Variants in ILDR1 observed in about 807,000 individuals in gnomAD.
The protein encoded by ILDR1 is immunoglobulin-like domain-containing receptor 1.
Under a neutral mutation model 62.4 loss-of-function variants are expected in ILDR1, and 56 were observed. The observed-to-expected ratio is 0.90, with a 90% confidence interval of 0.72 to 1.12. The LOEUF (loss-of-function observed/expected upper bound fraction) is 1.12. Ranked by LOEUF, ILDR1 falls within the 50% of genes most tolerant of loss-of-function variation. The pLI is 0.00. For synonymous variants in ILDR1, 284 were observed against 277.8 expected, an observed-to-expected ratio of 1.02 and a Z score of -0.22; for missense variants, 736 against 710.6, an observed-to-expected ratio of 1.04 and a Z score of -0.41.
chr3:122,040,737 G>GAAAAAAAAAAAAAAAAAA, the ILDR1 span, among the ~76,000 whole-genome samples: 1 of 124,812 alleles, frequency 8.0e-6, no homozygotes, highest in Non-Finnish European at 1.7e-5. Flanking sequence ...AAAAAAAAAA[G>GAAAAAAAAAAAAAAAAAA]AAAAAAAAAA....
upstream of ILDR1, among the ~76,000 whole-genome samples, chr3:122,025,967 C>T (rs2071917931): frequency 6.6e-6 from 1 of 152,106 alleles, no homozygotes; most frequent in Non-Finnish European, 1.5e-5. Flanking sequence ...GACATCTGCT[C>T]TAGGTTTGAA....
At chr3:122,005,748 T>G (rs1194509999) in intron 2 of ILDR1, among the ~76,000 whole-genome samples, 1 of 151,982 alleles carries the variant, frequency 6.6e-6, no homozygotes, top group African/African-American at 2.4e-5. Context: ...TTCATCCACC[T>G]GCCCTTAAAA....
chr3:121,993,092 C>G (rs1268372410), intron 7 of ILDR1, 58 bp downstream of exon 7: 1 of 1,380,564 alleles, frequency 7.2e-7, no homozygotes, highest in African/African-American at 1.4e-5. Context: ...GTGGTCATGC[C>G]TGGCTGGAGG....
the ILDR1 span, among the ~76,000 whole-genome samples, chr3:122,030,814 T>G: frequency 6.6e-6 from 1 of 152,172 alleles, no homozygotes. Context: ...AATTAGTATT[T>G]GGGGAGGCCC....
intron 5 of ILDR1, among the ~76,000 whole-genome samples, chr3:121,995,242 G>T (rs544244098): frequency 6.6e-6 from 1 of 152,290 alleles, no homozygotes; most frequent in East Asian, 1.9e-4. Context: ...CTATCCACGC[G>T]TGTTGGACGT....
the ILDR1 span, among the ~76,000 whole-genome samples, chr3:122,027,448 C>T: frequency 6.6e-6 from 1 of 152,184 alleles, no homozygotes; most frequent in Non-Finnish European, 1.5e-5. Context: ...CCTTGGACCC[C>T]CAAAGTGCTG....
At position 121,988,151 on chromosome 3, in the gene ILDR1, G is replaced by A. The variant is rs550947393; in HGVS notation, c.*216C>T. On this transcript the variant is annotated 3_prime_UTR_variant, in exon 8 of 8. Coordinates refer to ENST00000344209, the MANE Select transcript of ILDR1 (RefSeq NM_001199799.2). ...TGATCTTGAACTCCTAGTCTCAAGT[G>A]ATTCTTAGCCTCCCAAAGTGCTGTG... 1 of 640,072 alleles carries A rather than the reference G, an allele frequency of 1.6e-6. No individual in the cohort carries two copies. Among genetic ancestry groups the A allele is most frequent in the Admixed American group, 2.1e-5 (1 of 47,974 alleles). 39.6% of individuals were successfully genotyped at this position (640,072 alleles called of 1,614,324 possible).
chr3:121,994,341 C>A, intron 5 of ILDR1, 28 bp from the exon 6 acceptor site: 1 of 1,521,964 alleles, frequency 6.6e-7, no homozygotes, highest in Non-Finnish European at 8.8e-7. Flanking sequence ...GAAATGCAGG[C>A]CCTCAGCCAG....
Position 121,988,361 on chromosome 3 carries a change from T to C in ILDR1, c.*6A>G, listed in dbSNP as rs1191276930. 3 of 1,612,734 alleles carry C rather than the reference T, an allele frequency of 1.9e-6. No homozygotes were observed. Among genetic ancestry groups the C allele is most frequent in the Non-Finnish European group, 2.5e-6 (3 of 1,178,904 alleles). ...GTAGCCACAGAAGTTGTGCTGTGCTTGGTGACTAAATGACCACACTCCTTC... is the reference window on the plus strand; with the variant it reads ...GTAGCCACAGAAGTTGTGCTGTGCTCGGTGACTAAATGACCACACTCCTTC... On this transcript the variant is annotated 3_prime_UTR_variant, in exon 8 of 8. Transcript: ENST00000344209.
At chr3:122,022,693 G>C (rs1186936492), upstream of ILDR1, among the ~76,000 whole-genome samples, 1 of 152,188 alleles carries the variant, frequency 6.6e-6, no homozygotes, top group Non-Finnish European at 1.5e-5. Context: ...GAGGCGGGTG[G>C]ATCATCCGAG....
the ILDR1 span, among the ~76,000 whole-genome samples, chr3:122,030,758 A>T: frequency 3.9e-5 from 6 of 151,988 alleles, no homozygotes; most frequent in African/African-American, 1.5e-4. Flanking sequence ...CTCAATGAGG[A>T]TCAAAATATC....
intron 1 of ILDR1, among the ~76,000 whole-genome samples, chr3:122,021,219 ATTC>A (rs1390039451): frequency 6.6e-6 from 1 of 152,168 alleles, no homozygotes; most frequent in African/African-American, 2.4e-5. Flanking sequence ...GAACTTATAA[ATTC>A]TTCTTTGCAA....
At chr3:122,038,259 A>T in the ILDR1 span, among the ~76,000 whole-genome samples, 2 of 152,230 alleles carry the variant, frequency 1.3e-5, no homozygotes, top group African/African-American at 4.8e-5. Context: ...GTTGCAAGAG[A>T]CAAATTCATT....
the ILDR1 span, among the ~76,000 whole-genome samples, chr3:122,040,049 C>A: frequency 1.3e-5 from 2 of 151,760 alleles, no homozygotes; most frequent in African/African-American, 2.4e-5. Flanking sequence ...TATTTTAAAT[C>A]TATGTTAATT....
the ILDR1 span, among the ~76,000 whole-genome samples, chr3:122,048,715 T>C: frequency 6.6e-6 from 1 of 152,348 alleles, no homozygotes. Flanking sequence ...GGAACGTAAG[T>C]GTTCACAGCA....
the ILDR1 span, among the ~76,000 whole-genome samples, chr3:122,034,214 T>C: frequency 6.6e-6 from 1 of 152,230 alleles, no homozygotes; most frequent in African/African-American, 2.4e-5. Context: ...TTAAATATAT[T>C]GACCACAAGG....
chr3:121,989,551 A>C (rs529803114), intron 7 of ILDR1, among the ~76,000 whole-genome samples: 2 of 152,244 alleles, frequency 1.3e-5, no homozygotes, highest in Non-Finnish European at 2.9e-5. Flanking sequence ...AGAATGTCTT[A>C]GGACAAGATT....
In ILDR1 at chr3:121,993,989, A is replaced by C; in HGVS notation, c.779-19T>G. ...GACAAATCTGAATGGAAACAAGGACAGGACAATAGAACAAATGGCCCAAAA... is the reference window on the plus strand; with the variant it reads ...GACAAATCTGAATGGAAACAAGGACCGGACAATAGAACAAATGGCCCAAAA... On this transcript the variant is annotated intron_variant, in intron 6 of 7. Transcript: ENST00000344209. 6.2e-7 allele frequency: 1 copy of C among 1,601,732 alleles called. No homozygotes were observed. Among genetic ancestry groups the C allele is most frequent in the Non-Finnish European group, 8.5e-7 (1 of 1,177,420 alleles).
chr3:122,055,048 ATTATC>A, the ILDR1 span, among the ~76,000 whole-genome samples: 1 of 151,300 alleles, frequency 6.6e-6, no homozygotes, highest in Non-Finnish European at 1.5e-5. Context: ...ATCACTTTTT[ATTATC>A]TTATCAAAAT....
Sources: gnomAD v4.1 joint callset for allele counts (sites outside exome capture counted in the v4.1 genomes callset) on GRCh38, gnomAD v4.1.1 for gene constraint, MANE v1.5 for transcripts, NCBI Gene and HGNC (gene_info 2026-07-23, HGNC 2026-07-21) for gene names.